DGKB: variants seen among roughly 807,000 people sequenced by gnomAD.
DGKB encodes diacylglycerol kinase beta, also known as 90 kDa diacylglycerol kinase.
A neutral mutation model predicts 114.3 loss-of-function variants in DGKB; 67 were observed. The ratio of observed to expected loss-of-function variants is 0.59; its 90% CI spans 0.48 to 0.72. DGKB has a LOEUF of 0.72. DGKB is among the 30% of genes least tolerant of loss of function. The pLI, the probability that DGKB is intolerant of heterozygous loss-of-function variation, is 0.00. For synonymous variants in DGKB, 398 were observed against 323.1 expected, an observed-to-expected ratio of 1.23 and a Z score of -2.49; for missense variants, 907 against 975.2, an observed-to-expected ratio of 0.93 and a Z score of 0.93.
intron 4 of DGKB, among the ~76,000 whole-genome samples, chr7:14,751,324 G>A (rs147306383): frequency 1.9e-3 from 296 of 152,196 alleles, no homozygotes; most frequent in Middle Eastern, 6.8e-3. Flanking sequence ...ACATTCTACA[G>A]TGTGAATTTA....
chr7:14,970,823 C>T (rs974049729), intron 1 of DGKB, among the ~76,000 whole-genome samples: 1 of 152,118 alleles, frequency 6.6e-6, no homozygotes, highest in Non-Finnish European at 1.5e-5. Flanking sequence ...GTTAACCCCA[C>T]ACTCTTCCCC....
rs1586404990 is a variant in DGKB at position 14,774,608 on chromosome 7, A to G, written c.71-16877T>C. Reference sequence around the variant, plus strand: ...TATTTAAAACTTGGATCATAATTGAATATCAATTATTCTTTTCTCAACCTT... The same window carrying G: ...TATTTAAAACTTGGATCATAATTGAGTATCAATTATTCTTTTCTCAACCTT... On this transcript the variant is annotated intron_variant, in intron 2 of 25. Transcript: ENST00000402815. Among the ~76,000 whole-genome samples, 3 of 152,320 alleles carry G rather than the reference A, an allele frequency of 2.0e-5. No homozygotes were observed. In the South Asian group the frequency reaches 6.2e-4, roughly 32 times the overall value.
intron 23 of DGKB, among the ~76,000 whole-genome samples, chr7:14,333,930 T>C (rs1810190467): frequency 1.3e-5 from 2 of 152,228 alleles, no homozygotes; most frequent in African/African-American, 4.8e-5. Context: ...AGCTCCAATT[T>C]CATTGCTGGC....
At chr7:14,574,455 A>G (rs1798832082) in intron 19 of DGKB, 83 bp from the exon 20 acceptor site, 1 of 1,093,832 alleles carries the variant, frequency 9.1e-7, no homozygotes, top group Non-Finnish European at 1.3e-6. Context: ...GTGCTTATGC[A>G]TATGTAATAT....
At chr7:14,619,803 T>C (rs569729558) in intron 15 of DGKB, among the ~76,000 whole-genome samples, 36 of 151,806 alleles carry the variant, frequency 2.4e-4, no homozygotes, top group African/African-American at 8.7e-4. Flanking sequence ...ATTGATCTCA[T>C]ATGTTTATTG....
At chr7:14,610,134 T>C (rs970855588) in intron 16 of DGKB, among the ~76,000 whole-genome samples, 4 of 152,210 alleles carry the variant, frequency 2.6e-5, no homozygotes, top group African/African-American at 9.6e-5. Flanking sequence ...TATCCATCAA[T>C]GCTGGGCTGG....
At chr7:14,444,333 A>C (rs1026453194) in intron 21 of DGKB, among the ~76,000 whole-genome samples, 29 of 151,704 alleles carry the variant, frequency 1.9e-4, no homozygotes, top group African/African-American at 7.0e-4. Flanking sequence ...CTTATTGATA[A>C]TTGTATATAT....
intron 21 of DGKB, among the ~76,000 whole-genome samples, chr7:14,462,988 G>T (rs1386807847): frequency 6.6e-6 from 1 of 152,054 alleles, no homozygotes; most frequent in Non-Finnish European, 1.5e-5. Flanking sequence ...ACAAGCAATG[G>T]GGAAAGGATT....
chr7:14,946,840 T>C (rs1785909124), intron 1 of DGKB, among the ~76,000 whole-genome samples: 1 of 151,830 alleles, frequency 6.6e-6, no homozygotes, highest in South Asian at 2.1e-4. Context: ...AATCAAGTTC[T>C]TCAATCTATT....
At chr7:14,404,197 G>T (rs1464236337) in intron 21 of DGKB, among the ~76,000 whole-genome samples, 3 of 150,724 alleles carry the variant, frequency 2.0e-5, no homozygotes, top group Non-Finnish European at 4.4e-5. Context: ...GTAACAGAAT[G>T]TGAGAAACTG....
chr7:14,388,191 T>C (rs1217904547), intron 21 of DGKB, among the ~76,000 whole-genome samples: 1 of 149,114 alleles, frequency 6.7e-6, no homozygotes, highest in East Asian at 1.9e-4. Context: ...TGCTAGAAAA[T>C]GGTGGTGCCA....
chr7:14,536,735 T>A (rs1792562287), intron 20 of DGKB, among the ~76,000 whole-genome samples: 1 of 152,102 alleles, frequency 6.6e-6, no homozygotes, highest in Admixed American at 6.6e-5. Flanking sequence ...AACAGAGAAA[T>A]GCTGAAAGCT....
chr7:14,465,430 C>T (rs28728010), intron 21 of DGKB, among the ~76,000 whole-genome samples: 383 of 152,162 alleles, frequency 2.5e-3, no homozygotes, highest in African/African-American at 8.6e-3. Context: ...TCAGAATGTC[C>T]TGGGAATAGG....
intron 22 of DGKB, among the ~76,000 whole-genome samples, chr7:14,342,230 A>G (rs1811716735): frequency 6.6e-6 from 1 of 151,814 alleles, no homozygotes; most frequent in African/African-American, 2.4e-5. Flanking sequence ...TGGGATGGAA[A>G]TTCTTGGCTT....
chr7:14,512,634 A>G (rs1264047478), intron 20 of DGKB, among the ~76,000 whole-genome samples: 3 of 152,112 alleles, frequency 2.0e-5, no homozygotes, highest in Non-Finnish European at 4.4e-5. Context: ...AAAACAAAGA[A>G]ACTAGTATGG....
chr7:14,468,631 TG>T (rs1780833063), intron 21 of DGKB, among the ~76,000 whole-genome samples: 1 of 151,532 alleles, frequency 6.6e-6, no homozygotes, highest in Non-Finnish European at 1.5e-5. Context: ...ATTTTCTTTG[TG>T]TTTTAATTTA....
intron 2 of DGKB, among the ~76,000 whole-genome samples, chr7:14,816,726 T>C (rs977131143): frequency 3.3e-5 from 5 of 152,212 alleles, no homozygotes; most frequent in Non-Finnish European, 5.9e-5. Context: ...TTTTTACATA[T>C]GCACGAATTT....
intron 23 of DGKB, among the ~76,000 whole-genome samples, chr7:14,182,707 G>C (rs1231787280): frequency 6.6e-6 from 1 of 152,098 alleles, no homozygotes; most frequent in African/African-American, 2.4e-5. Flanking sequence ...ATAGATTAGA[G>C]GACACACGAG....
intron 1 of DGKB, among the ~76,000 whole-genome samples, chr7:14,887,719 T>G (rs1780534304): frequency 6.6e-6 from 1 of 151,840 alleles, no homozygotes. Context: ...CCTCTTGCCC[T>G]GACTTATTTT....
Sources: gnomAD v4.1 joint callset for allele counts (sites outside exome capture counted in the v4.1 genomes callset) on GRCh38, gnomAD v4.1.1 for gene constraint, MANE v1.5 for transcripts, NCBI Gene and HGNC (gene_info 2026-07-23, HGNC 2026-07-21) for gene names.